XPO6: variants seen among roughly 807,000 people sequenced by gnomAD.
The protein encoded by XPO6 is exportin-6.
A neutral mutation model predicts 130.0 loss-of-function variants in XPO6; 3 were observed. The observed-to-expected ratio is 0.02, with a 90% CI of 0.01 to 0.06. The LOEUF (loss-of-function observed/expected upper bound fraction) is 0.06, where lower values mean the gene tolerates loss of function less well. Ranked by LOEUF, XPO6 falls within the 10% of genes least tolerant of loss-of-function variation. The pLI, the probability that XPO6 is intolerant of heterozygous loss-of-function variation, is 1.00. For missense variants in XPO6, 970 were observed against 1,393.0 expected (o/e 0.70, Z 4.83); for synonymous variants, 524 against 548.9 (o/e 0.95, Z 0.63).
chr16:28,101,412 G>T lies in XPO6; in HGVS notation c.3276+46C>A. ...CTTGCTGCACAGGTGCCAGGCTTGC[G>T]TGCCCACTCTGCCCTCCTCTTAGCC... is the stretch of plus-strand genomic sequence containing the variant. On this transcript the variant is annotated intron_variant, in intron 23 of 23. Transcript: ENST00000304658. The surrounding 1 kb of genome is among the most constrained non-coding windows in gnomAD (Gnocchi z 5.4). The T allele has an allele frequency of 1.9e-6, 3 of 1,548,994 alleles. No individual in the cohort carries two copies. Among genetic ancestry groups the T allele is most frequent in the Non-Finnish European group, 1.8e-6 (2 of 1,121,712 alleles).
At chr16:28,210,007 C>T (rs963330945) in intron 1 of XPO6, among the ~76,000 whole-genome samples, 1 of 152,072 alleles carries the variant, frequency 6.6e-6, no homozygotes, top group Non-Finnish European at 1.5e-5. Flanking sequence ...CACTTGCCTG[C>T]AGCCCCAGCT....
At chr16:28,120,441 A>C (rs1203241811) in intron 14 of XPO6, among the ~76,000 whole-genome samples, 1 of 152,222 alleles carries the variant, frequency 6.6e-6, no homozygotes, top group East Asian at 1.9e-4. Context: ...TACATTTAAA[A>C]TTTTATTTTA....
At chr16:28,174,665 G>C (rs929276521) in intron 4 of XPO6, among the ~76,000 whole-genome samples, 1 of 152,208 alleles carries the variant, frequency 6.6e-6, no homozygotes, top group Non-Finnish European at 1.5e-5. Flanking sequence ...CAATCTGAGA[G>C]AAGCACTTTG....
intron 9 of XPO6, among the ~76,000 whole-genome samples, chr16:28,143,125 G>T (rs1456163272): frequency 6.6e-6 from 1 of 152,226 alleles, no homozygotes; most frequent in African/African-American, 2.4e-5. Context: ...CATGATCAAT[G>T]AGAAAAATTC....
intron 15 of XPO6, 199 bp downstream of exon 15, chr16:28,117,119 A>G (rs2087085201): frequency 1.6e-6 from 1 of 614,888 alleles, no homozygotes; most frequent in Non-Finnish European, 2.7e-6. Context: ...TGGAACTCAG[A>G]TAACTAAAAA....
chr16:28,101,305 C>T lies in XPO6; in HGVS notation c.3276+153G>A, dbSNP rs1355348779. 1 of 715,814 alleles carries T rather than the reference C, an allele frequency of 1.4e-6. No homozygotes were observed. Among genetic ancestry groups the T allele is most frequent in the East Asian group, 2.7e-5 (1 of 37,296 alleles). The allele number at this position is 715,814 out of a possible 1,614,324, so 44.3% of individuals were successfully genotyped here. On this transcript the variant is annotated intron_variant, in intron 23 of 23. Transcript: ENST00000304658. This position sits in a 1 kb window ranked among gnomAD's most constrained non-coding sequence, Gnocchi z 5.4. The stretch of plus-strand genomic sequence containing the variant: ...GTGCCCCTCAATCAGGCTACAGCAC[C>T]AGGTCAGCAGGCATCTCGTGAGCTG...
At chr16:28,202,940 A>G (rs2043974726) in intron 1 of XPO6, among the ~76,000 whole-genome samples, 1 of 152,242 alleles carries the variant, frequency 6.6e-6, no homozygotes, top group Admixed American at 6.5e-5. Flanking sequence ...AACTGAACTC[A>G]GCACACAGAT....
chr16:28,126,953 A>C (rs33043), intron 12 of XPO6, among the ~76,000 whole-genome samples: 8,874 of 151,914 alleles, frequency 0.058, 656 homozygotes, highest in East Asian at 0.17. Context: ...CGAGACTCAC[A>C]CTGGTCATCA....
At position 28,101,712 on chromosome 16, in the gene XPO6, G is replaced by A; in HGVS notation, c.3046-24C>T. 1 of 1,596,548 alleles carries A rather than the reference G, an allele frequency of 6.3e-7. No homozygotes were observed. The highest frequency in any genetic ancestry group is 8.6e-7 in the Non-Finnish European group (1 of 1,168,402). ...TTCTGCAGGCAGAGAGACCAGGTGAGCAGCAGCCAGCCCCCAGGGGCCTGT... is the reference window on the plus strand; with the variant it reads ...TTCTGCAGGCAGAGAGACCAGGTGAACAGCAGCCAGCCCCCAGGGGCCTGT... On this transcript the variant is annotated intron_variant, in intron 22 of 23. Transcript: ENST00000304658. The surrounding 1 kb of genome is among the most constrained non-coding windows in gnomAD (Gnocchi z 5.4).
At chr16:28,178,772 A>C (rs1484496303) in intron 2 of XPO6, among the ~76,000 whole-genome samples, 1 of 151,938 alleles carries the variant, frequency 6.6e-6, no homozygotes, top group African/African-American at 2.4e-5. Context: ...AACAAAAAAA[A>C]AAAAACAAAA....
At chr16:28,159,173 G>A (rs2043231044) in intron 6 of XPO6, among the ~76,000 whole-genome samples, 2 of 152,084 alleles carry the variant, frequency 1.3e-5, no homozygotes, top group Non-Finnish European at 2.9e-5. Flanking sequence ...CAAGGCTGCA[G>A]TGAGCTACGA....
chr16:28,177,152 G>T, intron 3 of XPO6, 68 bp downstream of exon 3: 1 of 1,056,116 alleles, frequency 9.5e-7, no homozygotes, highest in Non-Finnish European at 1.4e-6. Context: ...CTCTAGTCTA[G>T]TGCTAATGAT....
intron 12 of XPO6, 43 bp from the exon 13 acceptor site, chr16:28,125,891 G>A (rs764908160): frequency 1.3e-5 from 20 of 1,593,504 alleles, no homozygotes; most frequent in African/African-American, 2.7e-5. Context: ...GGAAGACCAC[G>A]CTTTAGATAC....
At chr16:28,186,108 G>C (rs1335697068) in intron 1 of XPO6, among the ~76,000 whole-genome samples, 1 of 151,942 alleles carries the variant, frequency 6.6e-6, no homozygotes, top group Non-Finnish European at 1.5e-5. Context: ...AGAAGCAGAA[G>C]GGTGACATAA....
intron 21 of XPO6, among the ~76,000 whole-genome samples, chr16:28,103,038 A>G (rs769001049): frequency 6.6e-6 from 1 of 152,186 alleles, no homozygotes; most frequent in Non-Finnish European, 1.5e-5. Context: ...TGGAAGTATA[A>G]CAGAGTAAAC....
At chr16:28,201,619 G>T (rs1049140701) in intron 1 of XPO6, among the ~76,000 whole-genome samples, 2 of 152,196 alleles carry the variant, frequency 1.3e-5, no homozygotes, top group African/African-American at 4.8e-5. Flanking sequence ...CAATTGGGGA[G>T]GCTGAGGCGG....
intron 1 of XPO6, among the ~76,000 whole-genome samples, chr16:28,182,846 C>A (rs1282994665): frequency 6.6e-6 from 1 of 151,842 alleles, no homozygotes; most frequent in Non-Finnish European, 1.5e-5. Context: ...AAAAGAACGC[C>A]GTAGTCTGTT....
chr16:28,133,960 C>T, intron 10 of XPO6, 27 bp from the exon 11 acceptor site: 1 of 1,611,492 alleles, frequency 6.2e-7, no homozygotes, highest in Non-Finnish European at 8.5e-7. Flanking sequence ...GGAGAATCAG[C>T]TCTCCCAGAA....
At chr16:28,182,534 TGA>T (rs2043635713) in intron 1 of XPO6, among the ~76,000 whole-genome samples, 2 of 152,190 alleles carry the variant, frequency 1.3e-5, no homozygotes, top group South Asian at 4.1e-4. Flanking sequence ...CGCTTGTGAG[TGA>T]GAGAGACTTT....
Sources: allele counts gnomAD v4.1 joint callset (sites outside exome capture counted in the v4.1 genomes callset), GRCh38; gene constraint gnomAD v4.1.1; non-coding constraint Gnocchi (gnomAD v3.1); transcripts MANE v1.5; gene names NCBI Gene and HGNC (gene_info 2026-07-23, HGNC 2026-07-21).